SPMIP2: variants seen among roughly 807,000 people sequenced by gnomAD.
SPMIP2 encodes protein SPMIP2.
chr4:159,066,474 C>CTA, the SPMIP2 span, among the ~76,000 whole-genome samples: 1 of 151,812 alleles, frequency 6.6e-6, no homozygotes, highest in Non-Finnish European at 1.5e-5. Flanking sequence ...CTTCAAAAAG[C>CTA]TATGTCCTTA....
chr4:158,992,579 T>C, the SPMIP2 span, among the ~76,000 whole-genome samples: 3 of 152,160 alleles, frequency 2.0e-5, no homozygotes, highest in East Asian at 3.8e-4. Context: ...TGTGCTGCTA[T>C]AACAAAATAC....
chr4:159,026,791 TTAAA>T, the SPMIP2 span, among the ~76,000 whole-genome samples: 1 of 151,626 alleles, frequency 6.6e-6, no homozygotes, highest in Admixed American at 6.6e-5. Flanking sequence ...CTTTGGAAAA[TTAAA>T]TAAAGCCATG....
the SPMIP2 span, among the ~76,000 whole-genome samples, chr4:158,983,521 A>T: frequency 0.44 from 64,085 of 145,364 alleles, 14,367 homozygotes; most frequent in East Asian, 0.56. Flanking sequence ...ATTCTTAAAG[A>T]ATTTTCAACC....
chr4:158,963,276 AG>A, the SPMIP2 span, among the ~76,000 whole-genome samples: 335 of 63,044 alleles, frequency 5.3e-3, 2 homozygotes, highest in African/African-American at 0.021. Context: ...ATCCTGTAGT[AG>A]GTAGTTTTGT....
At chr4:159,048,697 A>G in the SPMIP2 span, among the ~76,000 whole-genome samples, 1 of 113,154 alleles carries the variant, frequency 8.8e-6, no homozygotes, top group Non-Finnish European at 2.1e-5. Flanking sequence ...ATTTGTTTAC[A>G]ATGATAACTA....
the SPMIP2 span, among the ~76,000 whole-genome samples, chr4:158,949,038 TTTCTC>T: frequency 2.6e-5 from 4 of 152,178 alleles, no homozygotes; most frequent in African/African-American, 9.7e-5. Context: ...TCTCTTATTT[TTTCTC>T]TTCTTTTTCA....
chr4:159,073,756 C>T, the SPMIP2 span, among the ~76,000 whole-genome samples: 1 of 152,132 alleles, frequency 6.6e-6, no homozygotes, highest in East Asian at 1.9e-4. Context: ...AATCCCAGCA[C>T]TTTGGGAGGC....
At chr4:158,973,988 A>AC in the SPMIP2 span, among the ~76,000 whole-genome samples, 1 of 149,872 alleles carries the variant, frequency 6.7e-6, no homozygotes, top group Non-Finnish European at 1.5e-5. Flanking sequence ...CACCTCAAAA[A>AC]AAAAAAAAAA....
At chr4:158,944,704 T>C in the SPMIP2 span, among the ~76,000 whole-genome samples, 3 of 152,226 alleles carry the variant, frequency 2.0e-5, no homozygotes, top group East Asian at 5.8e-4. Context: ...GATCTGCTTC[T>C]ACTTATTCAC....
chr4:158,935,556 A>G, the SPMIP2 span, among the ~76,000 whole-genome samples: 2 of 152,172 alleles, frequency 1.3e-5, no homozygotes, highest in African/African-American at 4.8e-5. Flanking sequence ...TTGTTTCTCT[A>G]ATGATACAAA....
chr4:158,948,421 A>G, the SPMIP2 span, among the ~76,000 whole-genome samples: 1 of 152,058 alleles, frequency 6.6e-6, no homozygotes, highest in African/African-American at 2.4e-5. Context: ...ATCTTCTATC[A>G]ACTGTGGAAG....
At chr4:158,999,289 A>G in the SPMIP2 span, among the ~76,000 whole-genome samples, 1 of 152,256 alleles carries the variant, frequency 6.6e-6, no homozygotes, top group Non-Finnish European at 1.5e-5. Context: ...AAAGAGTATC[A>G]CAATTATAGA....
the SPMIP2 span, chr4:158,973,094 A>C: frequency 1.9e-6 from 3 of 1,584,520 alleles, no homozygotes; most frequent in East Asian, 6.7e-5. Flanking sequence ...TATGAAAGCC[A>C]CTCCCCAGTC....
chr4:159,051,329 T>A, the SPMIP2 span, among the ~76,000 whole-genome samples: 1 of 152,266 alleles, frequency 6.6e-6, no homozygotes, highest in South Asian at 2.1e-4. Context: ...AGATTTCACA[T>A]GGACTTTTGG....
At chr4:158,921,367 G>A in the SPMIP2 span, among the ~76,000 whole-genome samples, 43 of 152,208 alleles carry the variant, frequency 2.8e-4, no homozygotes, top group African/African-American at 7.2e-4. Flanking sequence ...GCTTGAACCC[G>A]GGAGGCAGAG....
chr4:159,053,536 C>G, the SPMIP2 span, among the ~76,000 whole-genome samples: 1 of 152,116 alleles, frequency 6.6e-6, no homozygotes, highest in African/African-American at 2.4e-5. Flanking sequence ...TATTTTAGGT[C>G]TCTTCCAGGA....
the SPMIP2 span, among the ~76,000 whole-genome samples, chr4:158,911,975 A>G: frequency 5.9e-5 from 9 of 152,294 alleles, no homozygotes; most frequent in Admixed American, 5.9e-4. Context: ...TGTATGAAGG[A>G]AAAAAACTAC....
At chr4:159,082,463 G>GTGTGTGTGTA in the SPMIP2 span, among the ~76,000 whole-genome samples, 82 of 148,772 alleles carry the variant, frequency 5.5e-4, 1 homozygote, top group East Asian at 0.011. Flanking sequence ...GTGTGTGTGT[G>GTGTGTGTGTA]TGTGTGTGTG....
chr4:158,955,991 T>C, the SPMIP2 span, among the ~76,000 whole-genome samples: 2 of 152,210 alleles, frequency 1.3e-5, no homozygotes, highest in Non-Finnish European at 2.9e-5. Flanking sequence ...CTATACTGCT[T>C]TTTCTGAGGC....
Sources: allele counts gnomAD v4.1 joint callset (sites outside exome capture counted in the v4.1 genomes callset), GRCh38; gene constraint gnomAD v4.1.1; transcripts MANE v1.5; gene names NCBI Gene and HGNC (gene_info 2026-07-23, HGNC 2026-07-21).